SRGAP2C: variants seen among roughly 807,000 people sequenced by gnomAD.
SRGAP2C encodes the protein SLIT-ROBO Rho GTPase-activating protein 2C.
SRGAP2C carries 15 observed loss-of-function variants against 25.1 expected under a neutral mutation model. The ratio of observed to expected loss-of-function variants is 0.60; its 90% CI spans 0.40 to 0.92. The LOEUF (loss-of-function observed/expected upper bound fraction) is 0.92. SRGAP2C is among the 40% of genes least tolerant of loss of function. SRGAP2C has a pLI of 0.00. For missense variants in SRGAP2C, 144 were observed against 264.4 expected (o/e 0.54, Z 3.16); for synonymous variants, 44 against 96.6 (o/e 0.46, Z 3.19).
chr1:121,374,773 A>G (rs1415551822), intron 6 of SRGAP2C, 53 bp from the exon 7 acceptor site: 2 of 750,348 alleles, frequency 2.7e-6, no homozygotes, highest in African/African-American at 3.5e-5. Flanking sequence ...CTTTTAGAGA[A>G]CAAGCCCCCC....
In SRGAP2C at chr1:121,284,842, A is replaced by T; in HGVS notation, c.107A>T (p.Asp36Val). Residue 36 changes from aspartate to valine, a missense_variant, in exon 3 of 10, where the codon GAC (aspartate) becomes GTC (valine). Physicochemically the swap from Asp to Val is radical, Grantham distance 152 (BLOSUM62 -3). Around this residue, in one of 5 missense-constraint regions of SRGAP2C, gnomAD observed 17 missense variants for 40.3 expected, o/e 0.42. Transcript: ENST00000367123. ...CTCACAGAGCAGATGAAATGCCTGG[A>T]CCAGCAGTGTGAGCTTCGGGTGCAA... is the stretch of plus-strand genomic sequence containing the variant. Reference protein sequence around the residue: ...AQLTEQMKCLDQQCELRVQLL... With the variant: ...AQLTEQMKCLVQQCELRVQLL... 1.9e-6 allele frequency: 2 copies of T among 1,039,604 alleles called. No individual in the cohort carries two copies. Among genetic ancestry groups the T allele is most frequent in the South Asian group, 3.0e-5 (2 of 67,348 alleles). 64.4% of individuals were successfully genotyped at this position (1,039,604 alleles called of 1,614,324 possible). A position where few individuals can be genotyped will look rare whatever the true frequency, so the allele number is the denominator to read the frequency against.
chr1:121,372,348 T>C (rs1401952777), intron 5 of SRGAP2C, among the ~76,000 whole-genome samples: 1 of 151,940 alleles, frequency 6.6e-6, no homozygotes, highest in East Asian at 1.9e-4. Flanking sequence ...GGCTGTCCTG[T>C]GCATGGGATG....
chr1:121,279,378 CCTGTACTCTG>C (rs1464437370), intron 2 of SRGAP2C, among the ~76,000 whole-genome samples: 1 of 141,208 alleles, frequency 7.1e-6, no homozygotes, highest in East Asian at 2.2e-4. Flanking sequence ...TCCCTCACCC[CCTGTACTCTG>C]CTGACTGTTG....
At chr1:121,368,359 C>T (rs1210898685) in intron 5 of SRGAP2C, among the ~76,000 whole-genome samples, 346 of 136,046 alleles carry the variant, frequency 2.5e-3, no homozygotes, top group Middle Eastern at 4.2e-3. Context: ...GAGCCAAGAT[C>T]GTGCCACTGC....
At chr1:121,281,332 C>A (rs1657237652) in intron 2 of SRGAP2C, among the ~76,000 whole-genome samples, 1 of 151,756 alleles carries the variant, frequency 6.6e-6, no homozygotes, top group Admixed American at 6.6e-5. Context: ...TCTTCTTTTT[C>A]CTTCTTCCTT....
chr1:121,236,062 T>C (rs1313807986), intron 2 of SRGAP2C, among the ~76,000 whole-genome samples: 1 of 90,816 alleles, frequency 1.1e-5, no homozygotes, highest in African/African-American at 5.0e-5. Flanking sequence ...GCTTCCTTGT[T>C]TTCTGGCAAA....
intron 5 of SRGAP2C, among the ~76,000 whole-genome samples, chr1:121,369,631 C>A (rs1384553587): frequency 7.0e-6 from 1 of 143,330 alleles, no homozygotes; most frequent in Non-Finnish European, 1.5e-5. Context: ...GCCTATTTGA[C>A]TCTGGCACTA....
intron 5 of SRGAP2C, among the ~76,000 whole-genome samples, chr1:121,370,419 C>T (rs1254587125): frequency 7.1e-6 from 1 of 141,744 alleles, no homozygotes; most frequent in Non-Finnish European, 1.5e-5. Context: ...GATCTTGGGG[C>T]CTCACTGTTC....
At chr1:121,339,376 C>T (rs1658597503) in intron 4 of SRGAP2C, among the ~76,000 whole-genome samples, 1 of 151,554 alleles carries the variant, frequency 6.6e-6, no homozygotes, top group African/African-American at 2.4e-5. Flanking sequence ...CTCAGCCTCC[C>T]TAGTAGCCGG....
chr1:121,302,686 GGCAAACGAAAGTCCAAGATTAT>G (rs1188178370), intron 3 of SRGAP2C, among the ~76,000 whole-genome samples: 2 of 92,906 alleles, frequency 2.2e-5, no homozygotes, highest in Non-Finnish European at 4.4e-5. Flanking sequence ...GGCCTTTTTT[GGCAAACGAAAGTCCAAGATTAT>G]GCAATTCATT....
intron 2 of SRGAP2C, among the ~76,000 whole-genome samples, chr1:121,258,336 A>C (rs1373157816): frequency 7.9e-5 from 12 of 151,506 alleles, no homozygotes; most frequent in African/African-American, 2.4e-4. Flanking sequence ...CAGGGAAGCA[A>C]GCTGCGGATT....
intron 4 of SRGAP2C, among the ~76,000 whole-genome samples, chr1:121,357,488 T>A (rs1363732743): frequency 1.3e-5 from 2 of 152,176 alleles, no homozygotes; most frequent in Non-Finnish European, 2.9e-5. Context: ...TCCTTTCTGC[T>A]AAGCACTTTT....
rs1660103748 is a variant in SRGAP2C at position 121,391,913 on chromosome 1, CAACTCTCTTCATTATACTCA to C, written c.*4061_*4080del. ...AACTTACCAGACAAAGACTTTAAAA[CAACTCTCTTCATTATACTCA>C]AATGTCAAAAGGAAAACATAAACAA... On this transcript the variant is annotated 3_prime_UTR_variant, in exon 10 of 10. Transcript: ENST00000367123. The C allele has an allele frequency of 6.6e-6, 1 of 152,314 alleles. No individual in the cohort carries two copies. Among genetic ancestry groups the C allele is most frequent in the Non-Finnish European group, 1.5e-5 (1 of 68,062 alleles). The allele number at this position is 152,314 out of a possible 1,614,324, so 9.4% of individuals were successfully genotyped here. A position where few individuals can be genotyped will look rare whatever the true frequency, so the allele number is the denominator to read the frequency against.
intron 3 of SRGAP2C, among the ~76,000 whole-genome samples, chr1:121,310,410 C>A (rs1179285155): frequency 1.4e-5 from 2 of 139,202 alleles, no homozygotes; most frequent in Admixed American, 7.4e-5. Context: ...TTTTGCTGTG[C>A]AGAAGCTCTT....
chr1:121,226,233 C>A (rs1175160452), intron 2 of SRGAP2C, among the ~76,000 whole-genome samples: 1 of 100,988 alleles, frequency 9.9e-6, no homozygotes, highest in Non-Finnish European at 1.9e-5. Context: ...GCCAGGGCGC[C>A]CCTCTTAGAA....
intron 3 of SRGAP2C, among the ~76,000 whole-genome samples, chr1:121,323,641 G>A (rs1470362277): frequency 7.3e-6 from 1 of 136,626 alleles, no homozygotes; most frequent in Non-Finnish European, 1.5e-5. Context: ...AAAAAAAAAG[G>A]GAATGAGCAC....
intron 2 of SRGAP2C, among the ~76,000 whole-genome samples, chr1:121,238,329 G>A (rs1250090890): frequency 1.2e-4 from 18 of 151,424 alleles, no homozygotes; most frequent in South Asian, 6.3e-4. Flanking sequence ...CATTAGAATC[G>A]TGCATTGTGC....
chr1:121,357,510 T>C (rs1479191832), intron 4 of SRGAP2C, among the ~76,000 whole-genome samples: 1 of 152,172 alleles, frequency 6.6e-6, no homozygotes, highest in Non-Finnish European at 1.5e-5. Context: ...ATGATCTTTC[T>C]TTGTTTTGTT....
At chr1:121,192,210 C>T (rs1211711840) in intron 2 of SRGAP2C, among the ~76,000 whole-genome samples, 7 of 150,768 alleles carry the variant, frequency 4.6e-5, no homozygotes, top group African/African-American at 1.7e-4. Flanking sequence ...TCACAGCTCC[C>T]ATTCCCCAAG....
Sources: gnomAD v4.1 joint callset for allele counts (sites outside exome capture counted in the v4.1 genomes callset) on GRCh38, gnomAD v4.1.1 for gene constraint, gnomAD v4.1.1 regional missense constraint, MANE v1.5 for transcripts, NCBI Gene and HGNC (gene_info 2026-07-23, HGNC 2026-07-21) for gene names.